The following SCML4 variants were observed in gnomAD, a reference collection of about 807,000 sequenced individuals.
SCML4 encodes the protein Scm polycomb group protein like 4.
A neutral mutation model predicts 41.1 loss-of-function variants in SCML4; 34 were observed. That is an observed-to-expected ratio of 0.83 (90% CI 0.63 to 1.10). SCML4 has a LOEUF of 1.10. SCML4 is among the 50% of genes least tolerant of loss of function. The probability of loss-of-function intolerance (pLI) is 0.00; values close to 1 mark genes in which losing one functional copy is unlikely to be tolerated. For missense variants in SCML4, 522 were observed against 534.1 expected (o/e 0.98, Z 0.22); for synonymous variants, 214 against 220.9 (o/e 0.97, Z 0.28).
At chr6:107,828,626 G>A (rs955078604), upstream of SCML4, among the ~76,000 whole-genome samples, 14 of 152,194 alleles carry the variant, frequency 9.2e-5, no homozygotes, top group African/African-American at 3.1e-4. Flanking sequence ...TAGTAAGGAA[G>A]GGAGAACAGC....
upstream of SCML4, among the ~76,000 whole-genome samples, chr6:107,826,690 C>T (rs1319859086): frequency 6.6e-6 from 1 of 152,168 alleles, no homozygotes; most frequent in African/African-American, 2.4e-5. Flanking sequence ...TGTCCTTGTC[C>T]TCAAGGTGGG....
At chr6:107,811,758 G>T (rs539414981) in intron 1 of SCML4, among the ~76,000 whole-genome samples, 11 of 152,170 alleles carry the variant, frequency 7.2e-5, no homozygotes, top group Non-Finnish European at 1.2e-4. Context: ...TTCACAGAGT[G>T]CGCAGTGGGG....
chr6:107,819,913 T>C (rs1784822886), intron 1 of SCML4, among the ~76,000 whole-genome samples: 1 of 152,214 alleles, frequency 6.6e-6, no homozygotes, highest in African/African-American at 2.4e-5. Flanking sequence ...TAATGCAAAG[T>C]GAGAACTGCC....
intron 2 of SCML4, among the ~76,000 whole-genome samples, chr6:107,757,399 G>C (rs1779202406): frequency 6.6e-6 from 1 of 152,218 alleles, no homozygotes; most frequent in Non-Finnish European, 1.5e-5. Flanking sequence ...TTGTTTGACA[G>C]ACTGGTAGCA....
chr6:107,774,894 G>A (rs1161976759), intron 1 of SCML4, among the ~76,000 whole-genome samples: 1 of 151,742 alleles, frequency 6.6e-6, no homozygotes, highest in Non-Finnish European at 1.5e-5. Flanking sequence ...ATGGTGGCAG[G>A]CGCCTATAAT....
intron 1 of SCML4, among the ~76,000 whole-genome samples, chr6:107,795,524 G>A (rs2114622241): frequency 6.6e-6 from 1 of 152,096 alleles, no homozygotes; most frequent in Admixed American, 6.6e-5. Context: ...CATCACCTTA[G>A]AAATATTCTT....
intron 1 of SCML4, among the ~76,000 whole-genome samples, chr6:107,781,697 A>G (rs1781513924): frequency 6.6e-6 from 1 of 152,078 alleles, no homozygotes; most frequent in African/African-American, 2.4e-5. Context: ...AAGAAAGGAA[A>G]AAAGAGGTTC....
At chr6:107,773,360 G>A (rs35917011) in intron 1 of SCML4, among the ~76,000 whole-genome samples, 2 of 152,132 alleles carry the variant, frequency 1.3e-5, no homozygotes, top group African/African-American at 4.8e-5. Context: ...GGGAAGCTGA[G>A]GCTGCTGGAT....
intron 5 of SCML4, among the ~76,000 whole-genome samples, chr6:107,727,231 G>T (rs576544764): frequency 6.6e-4 from 101 of 152,162 alleles, no homozygotes; most frequent in African/African-American, 2.4e-3. Context: ...AAGTAGATTC[G>T]TGGTTGCTTA....
intron 1 of SCML4, among the ~76,000 whole-genome samples, chr6:107,800,958 G>C (rs1225134863): frequency 6.6e-6 from 1 of 152,238 alleles, no homozygotes; most frequent in Non-Finnish European, 1.5e-5. Context: ...CCATTGACAA[G>C]AGTCCGAATC....
chr6:107,765,811 A>AT (rs1779988282), intron 2 of SCML4, among the ~76,000 whole-genome samples: 1 of 152,232 alleles, frequency 6.6e-6, no homozygotes, highest in Non-Finnish European at 1.5e-5. Flanking sequence ...TTGGCCATGA[A>AT]GGGAATATTT....
chr6:107,824,987 C>T (rs1327921355), upstream of SCML4, among the ~76,000 whole-genome samples: 1 of 152,108 alleles, frequency 6.6e-6, no homozygotes. Context: ...CTGACTTTGG[C>T]TCCAGGCCTG....
chr6:107,757,069 A>G (rs1187638641), intron 2 of SCML4, among the ~76,000 whole-genome samples: 1 of 152,192 alleles, frequency 6.6e-6, no homozygotes, highest in Non-Finnish European at 1.5e-5. Context: ...TGCTGGGACA[A>G]AGCGGTAGGG....
chr6:107,772,081 A>C, intron 2 of SCML4, 91 bp downstream of exon 2: 1 of 1,172,738 alleles, frequency 8.5e-7, no homozygotes, highest in East Asian at 2.7e-5. Flanking sequence ...CCAAGCTCCC[A>C]ACCTCTAGTG....
At chr6:107,749,085 G>C (rs1415027436) in intron 3 of SCML4, among the ~76,000 whole-genome samples, 1 of 152,022 alleles carries the variant, frequency 6.6e-6, no homozygotes, top group Non-Finnish European at 1.5e-5. Flanking sequence ...ATGGGAGAGG[G>C]GCTGGGGTTG....
chr6:107,744,223 C>T (rs1330230198), intron 5 of SCML4, among the ~76,000 whole-genome samples: 2 of 152,136 alleles, frequency 1.3e-5, no homozygotes, highest in African/African-American at 4.8e-5. Context: ...GGCTGCTTAG[C>T]GGAGAAGGAG....
chr6:107,734,638 G>T (rs1776878185), intron 5 of SCML4, among the ~76,000 whole-genome samples: 1 of 152,086 alleles, frequency 6.6e-6, no homozygotes, highest in African/African-American at 2.4e-5. Flanking sequence ...AATATGTACA[G>T]ATATCATAAT....
chr6:107,705,324 T>C lies in SCML4; in HGVS notation c.1121A>G (p.Glu374Gly). The change falls in exon 8 of 8, where the codon GAG (glutamate) becomes GGG (glycine). Residue 374 changes from glutamate to glycine, a missense_variant and splice_region_variant. By Grantham distance (98) the Glu-to-Gly change is moderately conservative. Transcript: ENST00000369020. ...GPHVELFRKH[E>G]IDGNALLLLK... ...CAACAGCAGAGCGTTGCCATCAATC[T>C]CCTGGTGGGATAGGATCAGAAGAAA... 1 of 1,551,786 alleles carries C rather than the reference T, an allele frequency of 6.4e-7. No individual in the cohort carries two copies. Among genetic ancestry groups the C allele is most frequent in the East Asian group, 2.4e-5 (1 of 40,910 alleles).
the SCML4 span, among the ~76,000 whole-genome samples, chr6:107,839,591 T>A: frequency 6.6e-6 from 1 of 152,188 alleles, no homozygotes; most frequent in African/African-American, 2.4e-5. Flanking sequence ...AATCTCCTTA[T>A]TGATAAAGCT....
Sources: gnomAD v4.1 joint callset for allele counts (sites outside exome capture counted in the v4.1 genomes callset) on GRCh38, gnomAD v4.1.1 for gene constraint, MANE v1.5 for transcripts, NCBI Gene and HGNC (gene_info 2026-07-23, HGNC 2026-07-21) for gene names.